The following CDKL5 variants were observed in gnomAD, a reference collection of about 807,000 sequenced individuals.
CDKL5 encodes cyclin dependent kinase like 5.
Under a neutral mutation model 61.7 loss-of-function variants are expected in CDKL5, and 8 were observed. The ratio of observed to expected loss-of-function variants is 0.13; its 90% CI spans 0.08 to 0.23. CDKL5 has a LOEUF of 0.23. Ranked by LOEUF, CDKL5 falls within the 10% of genes least tolerant of loss-of-function variation. The pLI, the probability that CDKL5 is intolerant of heterozygous loss-of-function variation, is 1.00. For synonymous variants in CDKL5, 275 were observed against 272.3 expected (o/e 1.01, Z -0.10); for missense variants, 440 against 734.5 (o/e 0.60, Z 4.63).
chrX:18,631,530 C>A lies in CDKL5; in HGVS notation c.*2773C>A. ...TTACTGACATCACAAAGATTGCCAT[C>A]CATGGTAGAAAGGACTTGATTTAAA... On this transcript the variant is annotated 3_prime_UTR_variant, in exon 18 of 18. Coordinates refer to ENST00000623535, the MANE Select transcript of CDKL5 (RefSeq NM_001323289.2). 2.7e-6 allele frequency: 2 copies of A among 754,111 alleles called. No individual in the cohort carries two copies. The highest frequency in any genetic ancestry group is 3.1e-6 in the Non-Finnish European group (2 of 639,190). The allele number at this position is 754,111 out of a possible 1,213,427, so 62.1% of individuals were successfully genotyped here. A position where few individuals can be genotyped will look rare whatever the true frequency, so the allele number is the denominator to read the frequency against.
chrX:18,645,963 G>A (rs377317202), intron 19 of CDKL5: 12 of 1,207,824 alleles, frequency 9.9e-6, no homozygotes, highest in African/African-American at 8.8e-5. Context: ...TTAAAGGCAA[G>A]TCATGCGCAC....
At chrX:18,495,927 A>G (rs778385893) in intron 1 of CDKL5, among the ~76,000 whole-genome samples, 3 of 111,986 alleles carry the variant, frequency 2.7e-5, no homozygotes, top group Non-Finnish European at 5.6e-5. Flanking sequence ...TTTATTGTCT[A>G]TCTCCTTTAG....
intron 14 of CDKL5, among the ~76,000 whole-genome samples, chrX:18,610,726 C>G (rs1308143165): frequency 8.9e-6 from 1 of 112,527 alleles, no homozygotes; most frequent in Non-Finnish European, 1.9e-5. Flanking sequence ...AGTAACTATG[C>G]AGTAATAGAT....
At chrX:18,519,475 G>T (rs1923168714) in intron 3 of CDKL5, among the ~76,000 whole-genome samples, 1 of 111,709 alleles carries the variant, frequency 9.0e-6, no homozygotes, top group African/African-American at 3.3e-5. Flanking sequence ...TGAGGAATAA[G>T]GTTAATAAGG....
intron 3 of CDKL5, among the ~76,000 whole-genome samples, chrX:18,516,221 C>T (rs750954148): frequency 9.1e-6 from 1 of 110,261 alleles, no homozygotes; most frequent in South Asian, 3.9e-4. Flanking sequence ...GAACTCCTGA[C>T]CTCAAGTGAT....
intron 1 of CDKL5, among the ~76,000 whole-genome samples, chrX:18,441,275 G>A (rs760991736): frequency 9.0e-6 from 1 of 110,846 alleles, no homozygotes; most frequent in Admixed American, 9.6e-5. Flanking sequence ...AATTAGCTGG[G>A]TGTGGTGGCA....
rs1569198512 is a variant in CDKL5, at chrX:18,509,240, CACA to C, written c.65-1579_65-1577del. On this transcript the variant is annotated intron_variant, in intron 2 of 17. Coordinates refer to ENST00000623535, the MANE Select transcript of CDKL5 (RefSeq NM_001323289.2). ...ACACACACACACACACACACACACA[CACA>C]CACCCCTGTCAAGCAAACTCTGCAT... 6.0e-4 allele frequency among the ~76,000 whole-genome samples: 65 copies of C among 107,552 alleles called. No individual in the cohort carries two copies. The South Asian group carries it at 0.015, about 24-fold the overall frequency. The allele number at this position is 107,552 out of a possible 115,157, so 93.4% of individuals were successfully genotyped here. A position where few individuals can be genotyped will look rare whatever the true frequency, so the allele number is the denominator to read the frequency against.
At chrX:18,598,101 A>G (rs181217044) in intron 10 of CDKL5, among the ~76,000 whole-genome samples, 26 of 111,842 alleles carry the variant, frequency 2.3e-4, no homozygotes, top group Non-Finnish European at 4.7e-4. Context: ...AAGATTAAGA[A>G]TGTATATTCT....
At chrX:18,496,405 A>C (rs1922173618) in intron 1 of CDKL5, among the ~76,000 whole-genome samples, 1 of 111,637 alleles carries the variant, frequency 9.0e-6, no homozygotes, top group African/African-American at 3.3e-5. Context: ...AGTTAAGATA[A>C]GGGGGTTGTG....
chrX:18,619,937 A>T lies in CDKL5; in HGVS notation c.2347A>T (p.Met783Leu), dbSNP rs761091421. The change falls in exon 16 of 18, where the codon ATG (methionine) becomes TTG (leucine). Residue 783 changes from methionine (M) to leucine (L), a missense_variant. Transcript: ENST00000623535. ...AGAGAAGCAAGGATTTTTCAGGTCA[A>T]TGAAAAAGAAAAAGAAGAAATCTCA... ...EKEKQGFFRSMKKKKKKSQTV... is the reference protein window; with the variant it reads ...EKEKQGFFRSLKKKKKKSQTV... 2.5e-6 allele frequency: 3 copies of T among 1,189,001 alleles called. No homozygotes were observed. Among genetic ancestry groups the T allele is most frequent in the Non-Finnish European group, 3.4e-6 (3 of 876,758 alleles).
intron 1 of CDKL5, among the ~76,000 whole-genome samples, chrX:18,431,762 C>CT (rs1931497073): frequency 1.8e-5 from 2 of 111,041 alleles, no homozygotes; most frequent in African/African-American, 6.5e-5. Flanking sequence ...TAAAACTCAC[C>CT]TTTTTAGTGT....
Position 18,629,470 on chromosome X carries a change from G to A in CDKL5, c.*713G>A, listed in dbSNP as rs1602301296. 1 of 516,512 alleles carries A rather than the reference G, an allele frequency of 1.9e-6. No individual in the cohort carries two copies. Among genetic ancestry groups the A allele is most frequent in the Non-Finnish European group, 2.4e-6 (1 of 424,053 alleles). The allele number at this position is 516,512 out of a possible 1,213,427, so 42.6% of individuals were successfully genotyped here. The stretch of plus-strand genomic sequence containing the variant: ...ATTCTATATATAATATATATATATG[G>A]TAAATATCTGTTTTATAAATATATT... On this transcript the variant is annotated 3_prime_UTR_variant, in exon 18 of 18. Transcript: ENST00000623535.
chrX:18,647,141 C>T, intron 20 of CDKL5: 2 of 1,194,073 alleles, frequency 1.7e-6, no homozygotes, highest in Non-Finnish European at 2.3e-6. Context: ...GGTAGAGAGG[C>T]CTATTTTTTT....
intron 1 of CDKL5, among the ~76,000 whole-genome samples, chrX:18,441,621 T>C (rs1402597331): frequency 9.0e-6 from 1 of 111,067 alleles, no homozygotes; most frequent in Non-Finnish European, 1.9e-5. Flanking sequence ...TTGGGCTGGA[T>C]TTGAGTTTTT....
intron 1 of CDKL5, among the ~76,000 whole-genome samples, chrX:18,474,045 T>C (rs181564360): frequency 7.8e-4 from 86 of 109,784 alleles, no homozygotes; most frequent in Admixed American, 2.2e-3. Context: ...ATTTTTGTAT[T>C]TTTGGTAGAG....
intron 3 of CDKL5, among the ~76,000 whole-genome samples, chrX:18,555,832 T>C (rs1924582820): frequency 8.9e-6 from 1 of 112,442 alleles, no homozygotes; most frequent in South Asian, 3.7e-4. Context: ...TAAACATTTG[T>C]TAGTTGACTG....
intron 9 of CDKL5, among the ~76,000 whole-genome samples, chrX:18,591,127 G>A (rs1925815467): frequency 9.0e-6 from 1 of 110,698 alleles, no homozygotes; most frequent in Admixed American, 9.6e-5. Flanking sequence ...GCCACCCAAC[G>A]TACCACCCTC....
Position 18,579,972 on chromosome X carries a change from A to T in CDKL5, c.403+4A>T. On this transcript the variant is annotated splice_donor_region_variant and intron_variant, in intron 6 of 17. Transcript: ENST00000623535. ...AAGAATGATATTGTCCATCGAGGTG[A>T]GTATGAGATTTTTAAAATGGAAAAT... The T allele has an allele frequency of 8.4e-7, 1 of 1,187,689 alleles. No individual in the cohort carries two copies. The highest frequency in any genetic ancestry group is 1.7e-5 in the African/African-American group (1 of 57,408).
chrX:18,451,284 C>A (rs778179938), intron 1 of CDKL5, among the ~76,000 whole-genome samples: 1 of 110,654 alleles, frequency 9.0e-6, no homozygotes, highest in South Asian at 3.8e-4. Context: ...CTCCATCTTC[C>A]GGGTTCAAAC....
Sources: gnomAD v4.1 joint callset for allele counts (sites outside exome capture counted in the v4.1 genomes callset) on GRCh38, gnomAD v4.1.1 for gene constraint, MANE v1.5 for transcripts, NCBI Gene and HGNC (gene_info 2026-07-23, HGNC 2026-07-21) for gene names.